The following LRP1B variants were observed in gnomAD, a reference collection of about 807,000 sequenced individuals.
LRP1B encodes LDL receptor related protein 1B.
Under a neutral mutation model 556.6 loss-of-function variants are expected in LRP1B, and 217 were observed. The ratio of observed to expected loss-of-function variants is 0.39; its 90% CI spans 0.35 to 0.44. The LOEUF is 0.44. LRP1B is among the 20% of genes least tolerant of loss of function. The probability of loss-of-function intolerance (pLI) is 1.00; values close to 1 mark genes in which losing one functional copy is unlikely to be tolerated. For synonymous variants in LRP1B, 2,047 were observed against 1,865.8 expected (o/e 1.10, Z -2.50); for missense variants, 5,053 against 5,620.8 (o/e 0.90, Z 3.23).
chr2:141,197,295 C>T (rs1681795196), intron 6 of LRP1B, among the ~76,000 whole-genome samples: 1 of 152,066 alleles, frequency 6.6e-6, no homozygotes, highest in Admixed American at 6.6e-5. Flanking sequence ...TGGAAAAACC[C>T]TACCTTCATT....
At chr2:141,827,132 G>A (rs12620682) in intron 1 of LRP1B, among the ~76,000 whole-genome samples, 26,953 of 152,172 alleles carry the variant, frequency 0.18, 2,936 homozygotes, top group East Asian at 0.33. Context: ...TTCTTAAAGT[G>A]TATTCTTAAA....
At chr2:140,430,803 G>A (rs189301863) in intron 66 of LRP1B, among the ~76,000 whole-genome samples, 1 of 152,236 alleles carries the variant, frequency 6.6e-6, no homozygotes, top group East Asian at 1.9e-4. Flanking sequence ...TATCCTCAAG[G>A]CAATCAATTC....
At chr2:140,540,782 A>C (rs1029516931) in intron 45 of LRP1B, among the ~76,000 whole-genome samples, 191 bp downstream of exon 45, 1 of 152,098 alleles carries the variant, frequency 6.6e-6, no homozygotes, top group African/African-American at 2.4e-5. Context: ...TTTGGTTATC[A>C]CTAACTAGCA....
chr2:140,812,721 A>G (rs1690971756), intron 32 of LRP1B, among the ~76,000 whole-genome samples: 1 of 152,078 alleles, frequency 6.6e-6, no homozygotes, highest in African/African-American at 2.4e-5. Flanking sequence ...ATGTATTCAA[A>G]TGGGCTTTTC....
chr2:141,949,729 T>A (rs970326249), intron 1 of LRP1B, among the ~76,000 whole-genome samples: 5 of 152,156 alleles, frequency 3.3e-5, no homozygotes, highest in African/African-American at 1.2e-4. Context: ...ATACTATACC[T>A]CTGAAAATCT....
chr2:140,275,259 T>G (rs1260845440), intron 84 of LRP1B, among the ~76,000 whole-genome samples: 1 of 152,052 alleles, frequency 6.6e-6, no homozygotes, highest in Non-Finnish European at 1.5e-5. Context: ...CCTGCTCTTG[T>G]TACCCAATAA....
chr2:141,566,825 C>T (rs1184167003), intron 2 of LRP1B, among the ~76,000 whole-genome samples: 2 of 152,022 alleles, frequency 1.3e-5, no homozygotes, highest in Non-Finnish European at 2.9e-5. Flanking sequence ...TGCCACTGCA[C>T]TCCAGCTTGG....
chr2:141,508,964 A>C (rs188888089), intron 2 of LRP1B, among the ~76,000 whole-genome samples: 7 of 152,180 alleles, frequency 4.6e-5, no homozygotes, highest in Admixed American at 4.6e-4. Flanking sequence ...TCCAATTTGC[A>C]GTCAGTGAGA....
chr2:140,302,477 A>G (rs1683877448), intron 83 of LRP1B, among the ~76,000 whole-genome samples: 1 of 152,180 alleles, frequency 6.6e-6, no homozygotes, highest in Admixed American at 6.5e-5. Flanking sequence ...GTTAGTTAGC[A>G]AAGTGCTTTG....
chr2:141,817,089 T>C (rs1447255647), intron 1 of LRP1B, among the ~76,000 whole-genome samples: 2 of 152,166 alleles, frequency 1.3e-5, no homozygotes, highest in Non-Finnish European at 2.9e-5. Context: ...TATATCCACT[T>C]TATTGAGTTC....
At chr2:141,333,936 C>T (rs1449197243) in intron 3 of LRP1B, among the ~76,000 whole-genome samples, 1 of 152,020 alleles carries the variant, frequency 6.6e-6, no homozygotes, top group Non-Finnish European at 1.5e-5. Context: ...TGATGACATT[C>T]CTGATCTCCT....
chr2:142,080,506 G>C lies in LRP1B; in HGVS notation c.82+50142C>G, dbSNP rs937092722. Among the ~76,000 whole-genome samples the C allele has an allele frequency of 5.9e-5, 9 of 151,452 alleles. No homozygotes were observed. The East Asian group carries it at 9.7e-4, about 16-fold the overall frequency. On this transcript the variant is annotated intron_variant, in intron 1 of 90. Transcript: ENST00000389484. ...CATTCAGCATTAAGAAATGGAAGTA[G>C]CACAAGGGTTGAGTTTGTAAAAAAA...
intron 5 of LRP1B, among the ~76,000 whole-genome samples, chr2:141,244,477 G>A (rs991858557): frequency 6.6e-5 from 10 of 152,070 alleles, no homozygotes; most frequent in South Asian, 6.2e-4. Flanking sequence ...GAAAAGAGAG[G>A]CCAATCTCAG....
intron 1 of LRP1B, among the ~76,000 whole-genome samples, chr2:142,068,396 A>G (rs771905162): frequency 2.0e-5 from 3 of 151,534 alleles, no homozygotes; most frequent in African/African-American, 7.3e-5. Flanking sequence ...GGATTATTGA[A>G]TCTGGAATAC....
chr2:140,427,224 C>T (rs183634094), intron 66 of LRP1B, among the ~76,000 whole-genome samples: 59 of 152,010 alleles, frequency 3.9e-4, no homozygotes, highest in Middle Eastern at 6.8e-3. Context: ...CTGATCTCCG[C>T]GAGGACGCCT....
At chr2:140,427,513 G>C (rs1210536479) in intron 66 of LRP1B, among the ~76,000 whole-genome samples, 3 of 152,088 alleles carry the variant, frequency 2.0e-5, no homozygotes, top group Non-Finnish European at 4.4e-5. Flanking sequence ...AATGCCACTT[G>C]ACCTCAATAC....
At chr2:140,625,685 C>A (rs1683631502) in intron 41 of LRP1B, among the ~76,000 whole-genome samples, 1 of 152,112 alleles carries the variant, frequency 6.6e-6, no homozygotes, top group Admixed American at 6.5e-5. Flanking sequence ...CAATGAGATA[C>A]TACTACATCT....
At position 141,207,303 on chromosome 2, in the gene LRP1B, A is replaced by G. The variant is rs1682329823; in HGVS notation, c.851-18720T>C. Among the ~76,000 whole-genome samples the G allele has an allele frequency of 3.3e-5, 5 of 152,314 alleles. No homozygotes were observed. In the South Asian group the frequency reaches 1.0e-3, roughly 32 times the overall value. ...CACTATGAATATTCTATAAAGATAA[A>G]TTACAGACTTTAAAATAATTTTGAT... On this transcript the variant is annotated intron_variant, in intron 6 of 90. Coordinates refer to ENST00000389484, the MANE Select transcript of LRP1B (RefSeq NM_018557.3).
chr2:142,122,178 A>T (rs942584660), intron 1 of LRP1B, among the ~76,000 whole-genome samples: 1 of 152,106 alleles, frequency 6.6e-6, no homozygotes, highest in East Asian at 1.9e-4. Context: ...CACACAAGGT[A>T]AAACCCTCAT....
Sources: gnomAD v4.1 joint callset for allele counts (sites outside exome capture counted in the v4.1 genomes callset) on GRCh38, gnomAD v4.1.1 for gene constraint, MANE v1.5 for transcripts, NCBI Gene and HGNC (gene_info 2026-07-23, HGNC 2026-07-21) for gene names.